Variants in PARD3B observed in about 807,000 individuals in gnomAD.
PARD3B encodes partitioning defective 3 homolog B.
Under a neutral mutation model 130.2 loss-of-function variants are expected in PARD3B, and 103 were observed. That is an observed-to-expected ratio of 0.79 (90% confidence interval 0.67 to 0.93). The LOEUF (loss-of-function observed/expected upper bound fraction) is 0.93. Among genes scored for constraint, PARD3B ranks in the 40% least tolerant of loss-of-function variants. The probability of loss-of-function intolerance (pLI) is 0.00; values close to 1 mark genes in which losing one functional copy is unlikely to be tolerated. For missense variants in PARD3B, 1,609 were observed against 1,499.2 expected (o/e 1.07, Z -1.21); for synonymous variants, 583 against 553.2 (o/e 1.05, Z -0.76).
At chr2:205,103,010 G>A (rs1702894580) in intron 4 of PARD3B, among the ~76,000 whole-genome samples, 1 of 151,978 alleles carries the variant, frequency 6.6e-6, no homozygotes, top group Admixed American at 6.5e-5. Context: ...GGAGGTTGCA[G>A]TGAGCCGAGA....
At chr2:205,599,523 G>A (rs934253601) in intron 22 of PARD3B, among the ~76,000 whole-genome samples, 10 of 152,202 alleles carry the variant, frequency 6.6e-5, no homozygotes, top group Non-Finnish European at 4.4e-5. Flanking sequence ...AAGGAGTTGG[G>A]CTCAAATCTG....
chr2:205,210,094 G>T (rs2037544428), intron 15 of PARD3B, among the ~76,000 whole-genome samples: 1 of 151,942 alleles, frequency 6.6e-6, no homozygotes. Flanking sequence ...GGCCAGTCAT[G>T]GTGGCTCATG....
At chr2:205,534,346 A>T (rs948648006) in intron 21 of PARD3B, among the ~76,000 whole-genome samples, 2 of 152,184 alleles carry the variant, frequency 1.3e-5, no homozygotes, top group Non-Finnish European at 2.9e-5. Context: ...TGGTCGGAGA[A>T]GGCTAAGGGA....
intron 18 of PARD3B, among the ~76,000 whole-genome samples, chr2:205,343,648 G>A (rs1031496694): frequency 2.6e-5 from 4 of 152,160 alleles, no homozygotes; most frequent in Admixed American, 2.6e-4. Context: ...CAAAGCATCT[G>A]ACACATTTCT....
rs893837666 is a variant in PARD3B, at chr2:205,150,211, C to G, written c.1435-8511C>G. 7.5e-4 allele frequency among the ~76,000 whole-genome samples: 101 copies of G among 134,276 alleles called. 1 individual carries two copies. Among genetic ancestry groups the G allele is most frequent in the African/African-American group, 2.6e-3 (93 of 35,448 alleles). 88.1% of individuals were successfully genotyped at this position (134,276 alleles called of 152,430 possible). A position where few individuals can be genotyped will look rare whatever the true frequency, so the allele number is the denominator to read the frequency against. On this transcript the variant is annotated intron_variant, in intron 10 of 22. Coordinates refer to ENST00000406610, the MANE Select transcript of PARD3B (RefSeq NM_001302769.2). Reference sequence around the variant, plus strand: ...TTTCCCTTACTACGCCAGCCAGGCTCTGTGTGTGTGTGTGTGTGTGTGTGT... The same window carrying G: ...TTTCCCTTACTACGCCAGCCAGGCTGTGTGTGTGTGTGTGTGTGTGTGTGT...
At chr2:204,579,410 T>C (rs908475163) in intron 1 of PARD3B, among the ~76,000 whole-genome samples, 3 of 152,082 alleles carry the variant, frequency 2.0e-5, no homozygotes, top group African/African-American at 2.4e-5. Context: ...CGAGGAATGA[T>C]GTCAGCAGAG....
At chr2:204,583,810 G>A (rs1158800689) in intron 1 of PARD3B, among the ~76,000 whole-genome samples, 2 of 152,154 alleles carry the variant, frequency 1.3e-5, no homozygotes, top group Non-Finnish European at 2.9e-5. Flanking sequence ...TATTCTTTTC[G>A]TGTATTGATC....
At chr2:205,289,179 G>C (rs1231057311) in intron 16 of PARD3B, among the ~76,000 whole-genome samples, 1 of 152,170 alleles carries the variant, frequency 6.6e-6, no homozygotes, top group Non-Finnish European at 1.5e-5. Flanking sequence ...AAAGGAGATA[G>C]AAGATGATTT....
At chr2:205,194,837 G>A (rs1004715994) in intron 15 of PARD3B, among the ~76,000 whole-genome samples, 3 of 151,956 alleles carry the variant, frequency 2.0e-5, no homozygotes, top group Non-Finnish European at 2.9e-5. Flanking sequence ...AGGATGGAGT[G>A]CAGTAGTGCG....
chr2:205,396,786 G>A (rs1376231646), intron 18 of PARD3B, among the ~76,000 whole-genome samples: 2 of 152,204 alleles, frequency 1.3e-5, no homozygotes, highest in Non-Finnish European at 2.9e-5. Context: ...GATAATGGGA[G>A]GCCTGGAATG....
At chr2:205,605,622 C>A (rs2054963843) in intron 22 of PARD3B, among the ~76,000 whole-genome samples, 1 of 152,192 alleles carries the variant, frequency 6.6e-6, no homozygotes, top group Non-Finnish European at 1.5e-5. Flanking sequence ...CTGCTCCCTC[C>A]TGTAGGATCT....
chr2:205,367,244 G>A (rs1006523533), intron 18 of PARD3B, among the ~76,000 whole-genome samples: 15 of 152,232 alleles, frequency 9.9e-5, no homozygotes, highest in African/African-American at 2.4e-4. Flanking sequence ...GCCTTATTTC[G>A]TCCAGAGAAG....
At chr2:205,302,160 C>T (rs2042033558) in intron 18 of PARD3B, among the ~76,000 whole-genome samples, 2 of 148,404 alleles carry the variant, frequency 1.3e-5, no homozygotes, top group African/African-American at 2.5e-5. Context: ...CCTCCGCCTC[C>T]TGGGTTCAAG....
rs200701083 is a variant in PARD3B at position 204,589,200 on chromosome 2, T to G, written c.120+43081T>G. ...AGGACAGAACATAAGAGATCTGTGA[T>G]TAGGTGGCAAAGCATATAAAACAAC... On this transcript the variant is annotated intron_variant, in intron 1 of 22. Coordinates refer to ENST00000406610, the MANE Select transcript of PARD3B (RefSeq NM_001302769.2). Among the ~76,000 whole-genome samples, 9 of 152,088 alleles carry G rather than the reference T, an allele frequency of 5.9e-5. No individual in the cohort carries two copies. In the East Asian group the frequency reaches 1.7e-3, roughly 29 times the overall value.
At chr2:205,154,613 A>G (rs1404786802) in intron 10 of PARD3B, among the ~76,000 whole-genome samples, 1 of 152,250 alleles carries the variant, frequency 6.6e-6, no homozygotes, top group Admixed American at 6.5e-5. Context: ...TTATTGCGGC[A>G]CTATTCACAA....
At chr2:205,154,717 TA>T (rs2033998468) in intron 10 of PARD3B, among the ~76,000 whole-genome samples, 1 of 152,216 alleles carries the variant, frequency 6.6e-6, no homozygotes, top group Non-Finnish European at 1.5e-5. Flanking sequence ...TATGCATCCA[TA>T]AAAAAGGATG....
intron 18 of PARD3B, among the ~76,000 whole-genome samples, chr2:205,349,800 C>T (rs199690374): frequency 7.5e-4 from 77 of 102,236 alleles, no homozygotes; most frequent in South Asian, 1.3e-3. Flanking sequence ...TTCTTTTTCT[C>T]TTTTTTTTTT....
intron 15 of PARD3B, among the ~76,000 whole-genome samples, chr2:205,203,636 T>C (rs1339470042): frequency 6.6e-6 from 1 of 152,144 alleles, no homozygotes; most frequent in Non-Finnish European, 1.5e-5. Flanking sequence ...TGGTGTGTGA[T>C]GTTCCTCTCC....
intron 18 of PARD3B, among the ~76,000 whole-genome samples, chr2:205,314,796 T>G (rs2042505374): frequency 6.6e-6 from 1 of 152,174 alleles, no homozygotes; most frequent in South Asian, 2.1e-4. Context: ...AGCTTCAACA[T>G]GTCTAAAATC....
Sources: gnomAD v4.1 joint callset for allele counts (sites outside exome capture counted in the v4.1 genomes callset) on GRCh38, gnomAD v4.1.1 for gene constraint, MANE v1.5 for transcripts, NCBI Gene and HGNC (gene_info 2026-07-23, HGNC 2026-07-21) for gene names.